Variants in RYR3 observed in about 807,000 individuals in gnomAD.
The protein encoded by RYR3 is brain ryanodine receptor-calcium release channel.
A neutral mutation model predicts 584.3 loss-of-function variants in RYR3; 207 were observed. The ratio of observed to expected loss-of-function variants is 0.35; its 90% CI spans 0.32 to 0.40. The LOEUF (loss-of-function observed/expected upper bound fraction) is 0.40. Ranked by LOEUF, RYR3 falls within the 10% of genes least tolerant of loss-of-function variation. RYR3 has a pLI of 1.00. For missense variants in RYR3, 5,616 were observed against 6,089.2 expected (o/e 0.92, Z 2.59); for synonymous variants, 2,416 against 2,248.5 (o/e 1.07, Z -2.11).
At chr15:33,829,084 A>G (rs1470694583) in intron 85 of RYR3, among the ~76,000 whole-genome samples, 11 of 152,118 alleles carry the variant, frequency 7.2e-5, no homozygotes, top group South Asian at 6.2e-4. Flanking sequence ...CCCATGCTCT[A>G]TGTATGGAAA....
At chr15:33,551,171 C>T (rs112213347) in intron 10 of RYR3, among the ~76,000 whole-genome samples, 5 of 152,198 alleles carry the variant, frequency 3.3e-5, no homozygotes, top group African/African-American at 1.2e-4. Flanking sequence ...TATGAGTGTT[C>T]TGGAAAGATC....
intron 77 of RYR3, 72 bp from the exon 78 acceptor site, chr15:33,820,684 A>G: frequency 2.3e-6 from 3 of 1,306,764 alleles, no homozygotes; most frequent in Non-Finnish European, 3.2e-6. Context: ...CTGCCCTTGT[A>G]GAGTTGTGTT....
rs1308413498 is a variant in RYR3, at chr15:33,636,533, A to G, written c.3539A>G (p.Asp1180Gly). 1 of 1,595,092 alleles carries G rather than the reference A, an allele frequency of 6.3e-7. No homozygotes were observed. Among genetic ancestry groups the G allele is most frequent in the Non-Finnish European group, 8.5e-7 (1 of 1,171,736 alleles). ...AAAGGCTCTGAACTTGCCTTCGCTG[A>G]CTACGAGATTGAGAATGGTAAATCT... ...TNKGSELAFA[D>G]YEIENGFVPI... The change falls in exon 27 of 104, where the codon GAC becomes GGC. Residue 1180 changes from aspartate to glycine, a missense_variant. By Grantham distance (94) the Asp-to-Gly change is moderately conservative. Coordinates refer to ENST00000634891, the MANE Select transcript of RYR3 (RefSeq NM_001036.6).
chr15:33,730,113 A>ATGAATAATTATTTG (rs6145516), intron 47 of RYR3, among the ~76,000 whole-genome samples: 111,107 of 151,176 alleles, frequency 0.73, 41,370 homozygotes, highest in Middle Eastern at 0.82. Context: ...ATGAATAATT[A>ATGAATAATTATTTG]TGAATAATTA....
intron 2 of RYR3, among the ~76,000 whole-genome samples, chr15:33,492,131 T>G (rs1383014149): frequency 6.6e-6 from 1 of 152,160 alleles, no homozygotes; most frequent in Non-Finnish European, 1.5e-5. Context: ...GCTAAATCCA[T>G]GCCCAGTGTA....
intron 48 of RYR3, among the ~76,000 whole-genome samples, chr15:33,734,086 GTAT>G (rs1207165989): frequency 6.6e-6 from 1 of 152,132 alleles, no homozygotes; most frequent in Non-Finnish European, 1.5e-5. Context: ...TCATTGCATG[GTAT>G]TATTTTCTTG....
intron 29 of RYR3, among the ~76,000 whole-genome samples, chr15:33,646,782 ACT>A (rs1336848381): frequency 6.6e-6 from 1 of 151,912 alleles, no homozygotes; most frequent in African/African-American, 2.4e-5. Context: ...CTCTTCTTGA[ACT>A]CTGAGCCCCT....
chr15:33,759,602 A>T (rs796916409), intron 60 of RYR3, among the ~76,000 whole-genome samples: 5 of 152,310 alleles, frequency 3.3e-5, no homozygotes, highest in African/African-American at 1.2e-4. Context: ...AGAGAAAAAA[A>T]TGAAAAAGAA....
At chr15:33,356,355 C>T (rs552368611) in intron 1 of RYR3, among the ~76,000 whole-genome samples, 7 of 152,078 alleles carry the variant, frequency 4.6e-5, no homozygotes, top group Non-Finnish European at 1.0e-4. Flanking sequence ...AAATTTCAGT[C>T]GTTAGTGTTA....
At position 33,769,186 on chromosome 15, in the gene RYR3, GT is replaced by G; in HGVS notation, c.8816+19del. The G allele has an allele frequency of 6.2e-7, 1 of 1,601,052 alleles. No individual in the cohort carries two copies. The highest frequency in any genetic ancestry group is 8.6e-7 in the Non-Finnish European group (1 of 1,168,504). On this transcript the variant is annotated intron_variant, in intron 62 of 103. Coordinates refer to ENST00000634891, the MANE Select transcript of RYR3 (RefSeq NM_001036.6). ...ACTTGACACAAGGTAAGTCTGCCCA[GT>G]TTTTCCCAATAGTTTCTCATGACTT... is the stretch of plus-strand genomic sequence containing the variant.
intron 1 of RYR3, among the ~76,000 whole-genome samples, chr15:33,444,918 T>C (rs1449025432): frequency 1.3e-5 from 2 of 148,840 alleles, no homozygotes; most frequent in African/African-American, 4.9e-5. Context: ...AAAAAAAAGC[T>C]GGAGTGCGCG....
At chr15:33,710,056 C>T (rs181322705) in intron 43 of RYR3, among the ~76,000 whole-genome samples, 44 of 152,224 alleles carry the variant, frequency 2.9e-4, no homozygotes, top group Non-Finnish European at 3.2e-4. Context: ...AGAAGAGATA[C>T]ATTTGAAAGA....
chr15:33,618,940 C>G (rs2060584752), intron 19 of RYR3, among the ~76,000 whole-genome samples: 1 of 152,152 alleles, frequency 6.6e-6, no homozygotes, highest in African/African-American at 2.4e-5. Flanking sequence ...ATGCACAAAT[C>G]TCAAAGACGA....
intron 1 of RYR3, among the ~76,000 whole-genome samples, chr15:33,452,758 C>G (rs1412449702): frequency 1.3e-5 from 2 of 152,076 alleles, no homozygotes; most frequent in African/African-American, 4.8e-5. Context: ...GAGAAGATTC[C>G]AACCCAAACA....
rs199900964 is a variant in RYR3, at chr15:33,644,311, G to A, written c.3557G>A (p.Gly1186Asp). The A allele has an allele frequency of 3.7e-6, 6 of 1,608,000 alleles. No homozygotes were observed. Among genetic ancestry groups the A allele is most frequent in the Admixed American group, 3.4e-5 (2 of 59,374 alleles). ...GCAGGTCTCTCTAACTCTTCTGCAGGCTTCGTGCCCATCTGCTGTCTGGGT... is the reference window on the plus strand; with the variant it reads ...GCAGGTCTCTCTAACTCTTCTGCAGACTTCGTGCCCATCTGCTGTCTGGGT... ...LAFADYEIEN[G>D]FVPICCLGLS... is the part of the protein sequence containing the mutation. Residue 1186 changes from glycine (G) to aspartate (D), a missense_variant and splice_region_variant, in exon 28 of 104, where the codon GGC (glycine) becomes GAC (aspartate). Gly to Asp is a moderately conservative substitution (Grantham distance 94). Transcript: ENST00000634891.
At chr15:33,816,696 C>T (rs2076830638) in intron 74 of RYR3, among the ~76,000 whole-genome samples, 166 bp from the exon 75 acceptor site, 2 of 152,160 alleles carry the variant, frequency 1.3e-5, no homozygotes, top group South Asian at 4.1e-4. Context: ...GTAGAGGGTT[C>T]TGGTTTCTTT....
rs923528632 is a variant in RYR3, at chr15:33,785,737, A to C, written c.9344A>C (p.Asn3115Thr). The C allele has an allele frequency of 6.2e-7, 1 of 1,613,768 alleles. No individual in the cohort carries two copies. The highest frequency in any genetic ancestry group is 1.1e-5 in the South Asian group (1 of 91,070). ...PQLEGLMKEI[N>T]DLAESGARYT... ...CTGGAAGGCCTGATGAAGGAAATCA[A>C]CGACCTGGCCGAGTCAGGGGCCCGG... Residue 3115 changes from asparagine (N) to threonine (T), a missense_variant, in exon 66 of 104, where the codon AAC (asparagine) becomes ACC (threonine). This residue lies in a region of RYR3 where 954 missense variants were observed against 1,132.2 expected (regional missense o/e 0.84). Coordinates refer to ENST00000634891, the MANE Select transcript of RYR3 (RefSeq NM_001036.6).
At chr15:33,811,426 G>A (rs1596734246) in intron 72 of RYR3, among the ~76,000 whole-genome samples, 1 of 151,914 alleles carries the variant, frequency 6.6e-6, no homozygotes, top group East Asian at 1.9e-4. Context: ...CAGGAGAATG[G>A]TGTGAACCTG....
chr15:33,457,587 G>A (rs2047663205), intron 1 of RYR3, among the ~76,000 whole-genome samples: 1 of 152,164 alleles, frequency 6.6e-6, no homozygotes, highest in African/African-American at 2.4e-5. Context: ...TAAGAAGAAG[G>A]GGAAAGAGGA....
Sources: gnomAD v4.1 joint callset for allele counts (sites outside exome capture counted in the v4.1 genomes callset) on GRCh38, gnomAD v4.1.1 for gene constraint, gnomAD v4.1.1 regional missense constraint, MANE v1.5 for transcripts, NCBI Gene and HGNC (gene_info 2026-07-23, HGNC 2026-07-21) for gene names.